The following ARHGAP39 variants were observed in gnomAD, a reference collection of about 807,000 sequenced individuals.
The protein encoded by ARHGAP39 is rho GTPase-activating protein 39.
ARHGAP39 carries 44 observed loss-of-function variants against 106.9 expected under a neutral mutation model. The observed-to-expected ratio is 0.41, with a 90% CI of 0.32 to 0.53. ARHGAP39 has a LOEUF of 0.53. Ranked by LOEUF, ARHGAP39 falls within the 20% of genes least tolerant of loss-of-function variation. ARHGAP39 has a pLI of 0.21. For synonymous variants in ARHGAP39, 768 were observed against 693.2 expected, an observed-to-expected ratio of 1.11 and a Z score of -1.69; for missense variants, 1,496 against 1,577.3, an observed-to-expected ratio of 0.95 and a Z score of 0.87.
At position 144,644,740 on chromosome 8, in the gene ARHGAP39, C is replaced by T. The variant is rs572794583; in HGVS notation, c.-81-39045G>A. Among the ~76,000 whole-genome samples, 123 of 152,316 alleles carry T rather than the reference C, an allele frequency of 8.1e-4. 1 individual carries two copies. Among genetic ancestry groups the T allele is most frequent in the Admixed American group, 2.7e-3 (41 of 15,304 alleles). ...CAAACCACGTCCCTGTCCGTGACTTCGCACCTGGCCTTTCAGCACCAGGTG... is the reference window on the plus strand; with the variant it reads ...CAAACCACGTCCCTGTCCGTGACTTTGCACCTGGCCTTTCAGCACCAGGTG... On this transcript the variant is annotated intron_variant, in intron 1 of 11. Transcript: ENST00000377307. This position sits in a 1 kb window ranked among gnomAD's most constrained non-coding sequence, Gnocchi z 4.8.
In ARHGAP39 at chr8:144,685,803, C is replaced by T. The variant is rs1489273179; in HGVS notation, c.-199G>A. ...GCTCCGCCGCTGCTGCCGCGGCAGC[C>T]CGTGCTGTCGGCGTCCTCCGCCGCC... is the stretch of plus-strand genomic sequence containing the variant. On this transcript the variant is annotated 5_prime_UTR_variant, in exon 1 of 12. Transcript: ENST00000377307. 1.4e-5 allele frequency among the ~76,000 whole-genome samples: 2 copies of T among 147,746 alleles called. No homozygotes were observed. The highest frequency in any genetic ancestry group is 4.9e-5 in the African/African-American group (2 of 40,970).
chr8:144,673,735 C>T (rs554154420), intron 1 of ARHGAP39, among the ~76,000 whole-genome samples: 9 of 152,340 alleles, frequency 5.9e-5, no homozygotes, highest in Admixed American at 2.0e-4. Flanking sequence ...CCACTCAGGC[C>T]GGCAGACTGC....
chr8:144,603,360 C>G (rs114675667), intron 2 of ARHGAP39, among the ~76,000 whole-genome samples: 1,680 of 152,072 alleles, frequency 0.011, 33 homozygotes, highest in African/African-American at 0.039. Flanking sequence ...CGCTCGTGAA[C>G]CTGTGTGTGT....
chr8:144,579,094 C>G (rs200210889), intron 3 of ARHGAP39, among the ~76,000 whole-genome samples: 1 of 146,320 alleles, frequency 6.8e-6, no homozygotes, highest in Admixed American at 7.0e-5. Flanking sequence ...CCCAGCTACT[C>G]GGGAGGCTGA....
chr8:144,652,559 C>T (rs796322307), intron 1 of ARHGAP39, among the ~76,000 whole-genome samples: 4 of 152,258 alleles, frequency 2.6e-5, no homozygotes, highest in African/African-American at 9.6e-5. Context: ...TACATAAACA[C>T]CATAGAATAC....
chr8:144,684,720 C>T lies in ARHGAP39; in HGVS notation c.-82+966G>A, dbSNP rs762265726. On this transcript the variant is annotated intron_variant, in intron 1 of 11. Coordinates refer to ENST00000377307, the MANE Select transcript of ARHGAP39 (RefSeq NM_025251.3). This position sits in a 1 kb window ranked among gnomAD's most constrained non-coding sequence, Gnocchi z 4.4. ...CGGAACGCCGCCTCCACCCACAGCA[C>T]TCCAGCAACTGGGAAGCAACCGGGA... Among the ~76,000 whole-genome samples the T allele has an allele frequency of 2.0e-5, 3 of 152,248 alleles. No individual in the cohort carries two copies. The highest frequency in any genetic ancestry group is 2.9e-5 in the Non-Finnish European group (2 of 68,036).
chr8:144,554,294 C>T (rs746429934), intron 4 of ARHGAP39, among the ~76,000 whole-genome samples: 40 of 152,292 alleles, frequency 2.6e-4, no homozygotes, highest in Middle Eastern at 3.4e-3. Flanking sequence ...GACGCTGGGG[C>T]GGGCTTAGCT....
intron 1 of ARHGAP39, among the ~76,000 whole-genome samples, chr8:144,627,623 G>A (rs950420887): frequency 3.3e-5 from 5 of 151,520 alleles, no homozygotes; most frequent in Admixed American, 6.6e-5. Context: ...AACTGGGCAC[G>A]GGACACACGC....
rs751287574 is a variant in ARHGAP39, at chr8:144,548,146, C to T, written c.940G>A (p.Glu314Lys). The change falls in exon 5 of 12, where the codon GAG becomes AAG. Residue 314 changes from glutamate (E) to lysine (K), a missense_variant. This residue lies in a region of ARHGAP39 where 905 missense variants were observed against 816.4 expected (regional missense o/e 1.11). Coordinates refer to ENST00000377307, the MANE Select transcript of ARHGAP39 (RefSeq NM_025251.3). The surrounding 1 kb of genome is among the most constrained non-coding windows in gnomAD (Gnocchi z 7.4). Reference sequence around the variant, plus strand: ...GCCTGGTACTCCACTGGGGGCTCCTCGTAGAGCGGGGGTTCATAGCCATAG... The same window carrying T: ...GCCTGGTACTCCACTGGGGGCTCCTTGTAGAGCGGGGGTTCATAGCCATAG... ...PRYGYEPPLY[E>K]EPPVEYQAPI... 3 of 1,568,944 alleles carry T rather than the reference C, an allele frequency of 1.9e-6. No homozygotes were observed. The highest frequency in any genetic ancestry group is 1.2e-5 in the South Asian group (1 of 84,954).
At chr8:144,623,542 G>A (rs546811199) in intron 1 of ARHGAP39, among the ~76,000 whole-genome samples, 1 of 152,352 alleles carries the variant, frequency 6.6e-6, no homozygotes, top group East Asian at 1.9e-4. Context: ...CTGGCGAGGC[G>A]ACCCAGACCT....
intron 2 of ARHGAP39, among the ~76,000 whole-genome samples, chr8:144,600,020 C>A (rs1308941127): frequency 6.6e-6 from 1 of 152,194 alleles, no homozygotes; most frequent in Non-Finnish European, 1.5e-5. Context: ...CTCAGCATTT[C>A]TAGGAGGCGT....
chr8:144,596,905 C>T (rs1447210657), intron 2 of ARHGAP39, among the ~76,000 whole-genome samples: 1 of 152,356 alleles, frequency 6.6e-6, no homozygotes, highest in South Asian at 2.1e-4. Context: ...CTTCCCAACT[C>T]TCCCTCCAGG....
chr8:144,666,810 C>A (rs560304261), intron 1 of ARHGAP39, among the ~76,000 whole-genome samples: 1 of 152,270 alleles, frequency 6.6e-6, no homozygotes, highest in Non-Finnish European at 1.5e-5. Flanking sequence ...GGACAACACC[C>A]GGAGTGCTCC....
intron 9 of ARHGAP39, 69 bp from the exon 10 acceptor site, chr8:144,532,465 C>G: frequency 7.1e-7 from 1 of 1,407,224 alleles, no homozygotes; most frequent in East Asian, 2.4e-5. Context: ...CGCCTGGACA[C>G]TCCCTCCGGT....
intron 2 of ARHGAP39, among the ~76,000 whole-genome samples, chr8:144,594,088 CAAAAAAA>C (rs149748913): frequency 3.5e-5 from 2 of 56,888 alleles, no homozygotes; most frequent in Admixed American, 1.8e-4. Context: ...GACTCCGTCT[CAAAAAAA>C]AAAAAAAAAA....
intron 3 of ARHGAP39, among the ~76,000 whole-genome samples, chr8:144,556,060 C>A (rs960180558): frequency 6.6e-6 from 1 of 152,086 alleles, no homozygotes; most frequent in Non-Finnish European, 1.5e-5. Context: ...CTGAGGCGGG[C>A]GGATCACGAG....
intron 1 of ARHGAP39, among the ~76,000 whole-genome samples, chr8:144,653,157 G>A (rs113832113): frequency 1.9e-4 from 29 of 152,210 alleles, no homozygotes; most frequent in Non-Finnish European, 2.5e-4. Flanking sequence ...ATAGCTGGGC[G>A]TGGTGGCATG....
rs1043757918 is a variant in ARHGAP39, at chr8:144,530,251, A to C, written c.*171T>G. On this transcript the variant is annotated 3_prime_UTR_variant, in exon 12 of 12. Coordinates refer to ENST00000377307, the MANE Select transcript of ARHGAP39 (RefSeq NM_025251.3). The stretch of plus-strand genomic sequence containing the variant: ...CCCGCCGCTGCTGTGCCCTGGCTGC[A>C]CCCTCAGACCAGGCAGAAGACGTGG... The C allele has an allele frequency of 3.7e-5, 27 of 720,970 alleles. No individual in the cohort carries two copies. The Middle Eastern group carries it at 1.2e-3, about 32-fold the overall frequency. 44.7% of individuals were successfully genotyped at this position (720,970 alleles called of 1,614,324 possible). A position where few individuals can be genotyped will look rare whatever the true frequency, so the allele number is the denominator to read the frequency against.
intron 6 of ARHGAP39, among the ~76,000 whole-genome samples, chr8:144,541,735 G>A (rs763407002): frequency 6.6e-6 from 1 of 152,088 alleles, no homozygotes; most frequent in Non-Finnish European, 1.5e-5. Flanking sequence ...TTTGTGGCTG[G>A]ACACGTTCTG....
Sources: allele counts gnomAD v4.1 joint callset (sites outside exome capture counted in the v4.1 genomes callset), GRCh38; gene constraint gnomAD v4.1.1; regional missense constraint gnomAD v4.1.1; non-coding constraint Gnocchi (gnomAD v3.1); transcripts MANE v1.5; gene names NCBI Gene and HGNC (gene_info 2026-07-23, HGNC 2026-07-21).